The following FARS2 variants were observed in gnomAD, a reference collection of about 807,000 sequenced individuals.
FARS2 encodes phenylalanine--tRNA ligase, mitochondrial.
A neutral mutation model predicts 46.4 loss-of-function variants in FARS2; 40 were observed. The ratio of observed to expected loss-of-function variants is 0.86; its 90% CI spans 0.67 to 1.12. The LOEUF is 1.12. FARS2 is among the 50% of genes most tolerant of loss of function. The pLI is 0.00. For synonymous variants in FARS2, 234 were observed against 214.9 expected, an observed-to-expected ratio of 1.09 and a Z score of -0.78; for missense variants, 513 against 567.9, an observed-to-expected ratio of 0.90 and a Z score of 0.98.
intron 6 of FARS2, among the ~76,000 whole-genome samples, chr6:5,750,420 G>T (rs1205803792): frequency 1.3e-5 from 2 of 152,186 alleles, no homozygotes; most frequent in East Asian, 3.9e-4. Flanking sequence ...AGACAAGATG[G>T]CAGTGGGCTG....
upstream of FARS2, among the ~76,000 whole-genome samples, chr6:5,259,088 T>TA (rs140870762): frequency 1.2e-5 from 1 of 82,090 alleles, no homozygotes; most frequent in African/African-American, 9.1e-5. Flanking sequence ...TTGTCCAAGT[T>TA]AGTCTTCGAG....
At chr6:5,707,855 T>C (rs1758856741) in intron 6 of FARS2, among the ~76,000 whole-genome samples, 3 of 152,188 alleles carry the variant, frequency 2.0e-5, no homozygotes, top group Admixed American at 6.5e-5. Context: ...CATCGGGGCC[T>C]CACAGTCCAA....
At chr6:5,256,490 G>GAAAAAAAAAAAAAAAAAAAAAAAAAAAA (rs777995486), upstream of FARS2, among the ~76,000 whole-genome samples, 2 of 37,520 alleles carry the variant, frequency 5.3e-5, 1 homozygote, top group Non-Finnish European at 1.1e-4. Context: ...GATTTCAACT[G>GAAAAAAAAAAAAAAAAAAAAAAAAAAAA]GAAAAAAAAA....
At chr6:5,307,639 A>T (rs1322738809) in intron 1 of FARS2, among the ~76,000 whole-genome samples, 3 of 152,272 alleles carry the variant, frequency 2.0e-5, no homozygotes, top group Non-Finnish European at 4.4e-5. Context: ...CGTTAACTTG[A>T]TAGGCAGAAA....
intron 4 of FARS2, among the ~76,000 whole-genome samples, chr6:5,523,465 A>G (rs183089389): frequency 0.012 from 1,683 of 141,498 alleles, 25 homozygotes; most frequent in Non-Finnish European, 0.014. Context: ...TTTCTTGGAG[A>G]TTCCCCATTA....
chr6:5,409,579 C>T (rs1030812221), intron 3 of FARS2, among the ~76,000 whole-genome samples: 4 of 152,126 alleles, frequency 2.6e-5, no homozygotes, highest in East Asian at 3.9e-4. Context: ...TATTACAGAT[C>T]GATGTTGCTA....
At chr6:5,473,557 A>G (rs1304759039) in intron 4 of FARS2, among the ~76,000 whole-genome samples, 3 of 145,764 alleles carry the variant, frequency 2.1e-5, no homozygotes, top group Non-Finnish European at 4.6e-5. Context: ...AAAAAAAAAA[A>G]CAAAAGAATA....
chr6:5,771,528 G>C lies in FARS2; in HGVS notation c.*99G>C, dbSNP rs889813555. 4 of 1,266,338 alleles carry C rather than the reference G, an allele frequency of 3.2e-6. No individual in the cohort carries two copies. In the African/African-American group the frequency reaches 6.0e-5, roughly 19 times the overall value. 78.4% of individuals were successfully genotyped at this position (1,266,338 alleles called of 1,614,324 possible). ...TGAACTGGGGCATCAATCATCTTTT[G>C]ATAAATGGATCAGTTTTAGGACTTT... On this transcript the variant is annotated 3_prime_UTR_variant, in exon 7 of 7. Coordinates refer to ENST00000274680, the MANE Select transcript of FARS2 (RefSeq NM_006567.5).
At chr6:5,577,053 T>G (rs763487874) in intron 5 of FARS2, among the ~76,000 whole-genome samples, 2 of 148,452 alleles carry the variant, frequency 1.3e-5, no homozygotes, top group South Asian at 4.4e-4. Context: ...AGACATTTCA[T>G]GTATATAAAT....
At chr6:5,361,099 C>T (rs1758268550) in intron 1 of FARS2, among the ~76,000 whole-genome samples, 1 of 152,050 alleles carries the variant, frequency 6.6e-6, no homozygotes, top group Admixed American at 6.5e-5. Context: ...AATCTTTTGG[C>T]TAGTTCTTCT....
At chr6:5,250,434 C>T in the FARS2 span, among the ~76,000 whole-genome samples, 29 of 152,112 alleles carry the variant, frequency 1.9e-4, no homozygotes, top group African/African-American at 7.0e-4. Context: ...ATCTAAATAT[C>T]TTAAATATTT....
chr6:5,651,679 A>G (rs1267715081), intron 6 of FARS2, among the ~76,000 whole-genome samples: 3 of 152,188 alleles, frequency 2.0e-5, no homozygotes, highest in South Asian at 2.1e-4. Flanking sequence ...TGCCTCTTCT[A>G]TTTATTGAGT....
At chr6:5,690,307 A>G (rs1370199313) in intron 6 of FARS2, among the ~76,000 whole-genome samples, 4 of 152,088 alleles carry the variant, frequency 2.6e-5, no homozygotes, top group African/African-American at 9.7e-5. Flanking sequence ...GGTCTTTACA[A>G]TTTGGCATGA....
intron 6 of FARS2, among the ~76,000 whole-genome samples, chr6:5,753,311 C>T (rs978817688): frequency 2.0e-5 from 3 of 152,144 alleles, no homozygotes; most frequent in Admixed American, 6.5e-5. Context: ...GGTGCCCTCT[C>T]GGACATTTTT....
chr6:5,257,643 G>A (rs1027294822), upstream of FARS2, among the ~76,000 whole-genome samples: 9 of 152,146 alleles, frequency 5.9e-5, no homozygotes, highest in South Asian at 2.1e-4. Flanking sequence ...GATCAGCGGC[G>A]GCATTAGATT....
chr6:5,410,683 G>A (rs1331929214), intron 3 of FARS2, among the ~76,000 whole-genome samples: 1 of 152,202 alleles, frequency 6.6e-6, no homozygotes, highest in Non-Finnish European at 1.5e-5. Context: ...GTGAAACCCT[G>A]TGCTAAGCAC....
intron 6 of FARS2, among the ~76,000 whole-genome samples, chr6:5,641,895 G>A (rs1310946669): frequency 6.6e-6 from 1 of 152,098 alleles, no homozygotes; most frequent in African/African-American, 2.4e-5. Context: ...ATCCTTGGTG[G>A]TCACCGTACC....
intron 6 of FARS2, among the ~76,000 whole-genome samples, chr6:5,771,054 A>T (rs191159154): frequency 1.3e-5 from 2 of 152,264 alleles, no homozygotes; most frequent in Non-Finnish European, 2.9e-5. Flanking sequence ...TTCCCAGGGG[A>T]CTTTGATACA....
At chr6:5,406,147 G>A (rs997076710) in intron 3 of FARS2, among the ~76,000 whole-genome samples, 6 of 152,108 alleles carry the variant, frequency 3.9e-5, no homozygotes, top group Non-Finnish European at 7.4e-5. Flanking sequence ...TATCTGAGAA[G>A]ACAGATGACC....
Sources: gnomAD v4.1 joint callset for allele counts (sites outside exome capture counted in the v4.1 genomes callset) on GRCh38, gnomAD v4.1.1 for gene constraint, MANE v1.5 for transcripts, NCBI Gene and HGNC (gene_info 2026-07-23, HGNC 2026-07-21) for gene names.